KYAT3: variants seen among roughly 807,000 people sequenced by gnomAD.
KYAT3 encodes kynurenine--oxoglutarate transaminase 3.
Under a neutral mutation model 59.0 loss-of-function variants are expected in KYAT3, and 50 were observed. The ratio of observed to expected loss-of-function variants is 0.85; its 90% CI spans 0.68 to 1.07. The LOEUF (loss-of-function observed/expected upper bound fraction) is 1.07, where lower values mean the gene tolerates loss of function less well. KYAT3 is among the 50% of genes least tolerant of loss of function. KYAT3 has a pLI of 0.00. For missense variants in KYAT3, 497 were observed against 533.3 expected, an observed-to-expected ratio of 0.93 and a Z score of 0.67; for synonymous variants, 148 against 177.0, an observed-to-expected ratio of 0.84 and a Z score of 1.30.
intron 1 of KYAT3, among the ~76,000 whole-genome samples, chr1:88,990,264 C>T (rs543801191): frequency 7.3e-5 from 7 of 96,324 alleles, no homozygotes; most frequent in East Asian, 7.6e-4. Context: ...TTGTCTCTCC[C>T]GGTTAAAAAA....
At chr1:88,963,518 G>A (rs1676228433) in intron 5 of KYAT3, among the ~76,000 whole-genome samples, 1 of 152,198 alleles carries the variant, frequency 6.6e-6, no homozygotes, top group African/African-American at 2.4e-5. Context: ...TTTAAAGAAA[G>A]TTAACAATAT....
At chr1:88,971,149 T>C (rs976159370) in intron 2 of KYAT3, among the ~76,000 whole-genome samples, 1 of 152,184 alleles carries the variant, frequency 6.6e-6, no homozygotes, top group Admixed American at 6.5e-5. Context: ...ATTCATTCAG[T>C]AGAGACCACA....
chr1:88,925,719 GGAGA>G, the KYAT3 span, among the ~76,000 whole-genome samples: 22 of 151,328 alleles, frequency 1.5e-4, no homozygotes, highest in Non-Finnish European at 3.1e-4. Context: ...GAGAGACAGA[GGAGA>G]GAGAGACAGA....
chr1:88,955,378 G>A (rs1415555517), intron 8 of KYAT3, among the ~76,000 whole-genome samples, 153 bp from the exon 9 acceptor site: 1 of 151,900 alleles, frequency 6.6e-6, no homozygotes, highest in Non-Finnish European at 1.5e-5. Context: ...TTTAGATAAT[G>A]TAACTTTAAT....
At chr1:88,921,049 C>T in the KYAT3 span, among the ~76,000 whole-genome samples, 4 of 152,280 alleles carry the variant, frequency 2.6e-5, no homozygotes, top group South Asian at 8.3e-4. Context: ...GTGGCTTAAA[C>T]AAATAGGGGT....
intron 4 of KYAT3, among the ~76,000 whole-genome samples, chr1:88,967,806 C>G (rs143780587): frequency 6.6e-6 from 1 of 152,044 alleles, no homozygotes; most frequent in African/African-American, 2.4e-5. Flanking sequence ...CTAGCTAAAA[C>G]TTTTACTTAT....
chr1:88,958,457 C>T (rs1436332529), intron 8 of KYAT3, among the ~76,000 whole-genome samples: 3 of 150,436 alleles, frequency 2.0e-5, no homozygotes, highest in Non-Finnish European at 3.0e-5. Context: ...GGAACCATTT[C>T]TCCTGTTTTG....
intron 9 of KYAT3, among the ~76,000 whole-genome samples, chr1:88,953,550 A>G (rs1675770000): frequency 7.1e-6 from 1 of 141,676 alleles, no homozygotes; most frequent in Non-Finnish European, 1.5e-5. Context: ...TATCTCAAAA[A>G]AAAAAAAAAA....
chr1:88,944,424 C>T (rs1268756974), intron 11 of KYAT3, among the ~76,000 whole-genome samples: 2 of 152,060 alleles, frequency 1.3e-5, no homozygotes, highest in Non-Finnish European at 2.9e-5. Context: ...CTCCATTCTC[C>T]CCTGTGTTTT....
At chr1:88,982,023 G>T in intron 2 of KYAT3, 1 of 979,232 alleles carries the variant, frequency 1.0e-6, no homozygotes, top group Non-Finnish European at 1.2e-6. Context: ...CACTTAAATG[G>T]TCTTATTGTG....
intron 6 of KYAT3, 69 bp from the exon 7 acceptor site, chr1:88,961,575 C>T (rs937281607): frequency 1.0e-4 from 133 of 1,321,494 alleles, no homozygotes; most frequent in Non-Finnish European, 1.3e-4. Flanking sequence ...AAACGAATAA[C>T]CTAATAAGGA....
intron 2 of KYAT3, among the ~76,000 whole-genome samples, chr1:88,977,953 T>A (rs1200782006): frequency 6.6e-6 from 1 of 152,224 alleles, no homozygotes; most frequent in East Asian, 1.9e-4. Flanking sequence ...CCATATAGCC[T>A]AGGTGTGTAG....
At chr1:88,962,424 A>C (rs3820242) in intron 5 of KYAT3, among the ~76,000 whole-genome samples, 1 of 151,958 alleles carries the variant, frequency 6.6e-6, no homozygotes, top group Non-Finnish European at 1.5e-5. Flanking sequence ...ATATGCATAG[A>C]TAGATTTACC....
chr1:88,936,299 G>T, intron 13 of KYAT3, 54 bp from the exon 14 acceptor site: 1 of 1,228,882 alleles, frequency 8.1e-7, no homozygotes. Flanking sequence ...AATTCAAGAT[G>T]AAGCAAAGAT....
intron 11 of KYAT3, among the ~76,000 whole-genome samples, chr1:88,944,626 G>A (rs1675367897): frequency 6.6e-6 from 1 of 151,982 alleles, no homozygotes; most frequent in African/African-American, 2.4e-5. Context: ...TGTAATTCAG[G>A]TTTGGCCCTA....
At chr1:88,976,678 A>C (rs1387272992) in intron 2 of KYAT3, among the ~76,000 whole-genome samples, 1 of 152,248 alleles carries the variant, frequency 6.6e-6, no homozygotes, top group Non-Finnish European at 1.5e-5. Flanking sequence ...AGACATTGTT[A>C]TCATAGCAGA....
intron 2 of KYAT3, among the ~76,000 whole-genome samples, chr1:88,970,185 A>T (rs1676501428): frequency 6.6e-6 from 1 of 152,218 alleles, no homozygotes; most frequent in Non-Finnish European, 1.5e-5. Context: ...TGTATGACAT[A>T]CAGGAAAGAC....
Position 88,988,330 on chromosome 1 carries a change from G to T in KYAT3, c.21C>A (p.Ser7Arg). 6.2e-7 allele frequency: 1 copy of T among 1,611,290 alleles called. No homozygotes were observed. Among genetic ancestry groups the T allele is most frequent in the Admixed American group, 1.7e-5 (1 of 59,612 alleles). The change falls in exon 2 of 14, where the codon AGC becomes AGA. Residue 7 changes from serine (S) to arginine (R), a missense_variant. Ser to Arg is a moderately radical substitution (Grantham distance 110). Transcript: ENST00000260508. ...TTGCTCTACCGCTAAGAGAGCAGAG[G>T]CTCCTCTGGGCCAAAAACATGCTAT... is the stretch of plus-strand genomic sequence containing the variant. MFLAQR[S>R]LCSLSGRAKF...
downstream of KYAT3, among the ~76,000 whole-genome samples, chr1:88,933,554 A>C (rs181486130): frequency 2.6e-5 from 4 of 152,346 alleles, no homozygotes; most frequent in African/African-American, 9.6e-5. Flanking sequence ...AGATAGACTC[A>C]ATCAGTGAAA....
Sources: allele counts gnomAD v4.1 joint callset (sites outside exome capture counted in the v4.1 genomes callset), GRCh38; gene constraint gnomAD v4.1.1; transcripts MANE v1.5; gene names NCBI Gene and HGNC (gene_info 2026-07-23, HGNC 2026-07-21).